MMD2: variants seen among roughly 807,000 people sequenced by gnomAD.
The protein encoded by MMD2 is monocyte to macrophage differentiation associated 2, also known as monocyte to macrophage differentiation factor 2.
A neutral mutation model predicts 33.5 loss-of-function variants in MMD2; 30 were observed. That is an observed-to-expected ratio of 0.90 (90% CI 0.67 to 1.22). The LOEUF (loss-of-function observed/expected upper bound fraction) is 1.22, where lower values mean the gene tolerates loss of function less well. Among genes scored for constraint, MMD2 ranks in the 50% most tolerant of loss-of-function variants. The pLI is 0.00. For missense variants in MMD2, 364 were observed against 325.4 expected (o/e 1.12, Z -0.91); for synonymous variants, 129 against 123.0 (o/e 1.05, Z -0.32).
chr7:4,953,900 C>A (rs1296617136), intron 1 of MMD2, among the ~76,000 whole-genome samples: 1 of 152,076 alleles, frequency 6.6e-6, no homozygotes. Flanking sequence ...GTTCTATCAC[C>A]CAGGCTTGAG....
At chr7:4,901,468 C>G (rs913239761), downstream of MMD2, among the ~76,000 whole-genome samples, 5 of 152,094 alleles carry the variant, frequency 3.3e-5, no homozygotes, top group African/African-American at 1.2e-4. Context: ...AATTTAAAAA[C>G]CAAACAGAAA....
At chr7:4,923,869 G>A (rs756438046) in intron 2 of MMD2, among the ~76,000 whole-genome samples, 1 of 152,112 alleles carries the variant, frequency 6.6e-6, no homozygotes, top group Non-Finnish European at 1.5e-5. Flanking sequence ...CCCAGTGTGG[G>A]CTGGGCACGG....
At chr7:4,896,107 G>A in the MMD2 span, among the ~76,000 whole-genome samples, 1 of 151,978 alleles carries the variant, frequency 6.6e-6, no homozygotes, top group Non-Finnish European at 1.5e-5. Context: ...GTGATCTGTT[G>A]GTCTCACCAT....
At chr7:4,898,245 ATTTC>A in the MMD2 span, among the ~76,000 whole-genome samples, 22 of 152,128 alleles carry the variant, frequency 1.4e-4, no homozygotes, top group South Asian at 4.1e-3. Context: ...GAAGCTCCTA[ATTTC>A]TTTCTCCTTA....
chr7:4,916,810 C>T (rs188712943), intron 3 of MMD2, among the ~76,000 whole-genome samples: 76 of 152,162 alleles, frequency 5.0e-4, no homozygotes, highest in Non-Finnish European at 1.8e-4. Context: ...GTGGCTCACA[C>T]CTGTAATTCC....
chr7:4,917,868 C>G (rs1044154665), intron 3 of MMD2, among the ~76,000 whole-genome samples: 3 of 152,148 alleles, frequency 2.0e-5, no homozygotes, highest in African/African-American at 7.2e-5. Context: ...CACTGGGACC[C>G]TCCCCTCCCA....
chr7:4,929,672 C>T (rs1785524622), intron 1 of MMD2, among the ~76,000 whole-genome samples: 1 of 151,774 alleles, frequency 6.6e-6, no homozygotes, highest in African/African-American at 2.4e-5. Context: ...CTACAGGCGC[C>T]CGCCACCACA....
chr7:4,906,239 G>A lies in MMD2; in HGVS notation c.*1157C>T. 2.7e-6 allele frequency: 1 copy of A among 366,118 alleles called. No homozygotes were observed. The highest frequency in any genetic ancestry group is 4.9e-6 in the Non-Finnish European group (1 of 205,592). The allele number at this position is 366,118 out of a possible 1,614,324, so 22.7% of individuals were successfully genotyped here. A position where few individuals can be genotyped will look rare whatever the true frequency, so the allele number is the denominator to read the frequency against. On this transcript the variant is annotated 3_prime_UTR_variant, in exon 7 of 7. Coordinates refer to ENST00000401401, the MANE Select transcript of MMD2 (RefSeq NM_198403.4). Reference sequence around the variant, plus strand: ...ACTCACCTCCCCAGTAAATGTCCAGGCAGCATTGGACAGAGAGGCTGGCCC... The same window carrying A: ...ACTCACCTCCCCAGTAAATGTCCAGACAGCATTGGACAGAGAGGCTGGCCC...
the MMD2 span, among the ~76,000 whole-genome samples, chr7:4,898,676 G>A: frequency 6.6e-6 from 1 of 152,178 alleles, no homozygotes; most frequent in Non-Finnish European, 1.5e-5. Flanking sequence ...AAGGTGGGCA[G>A]ATCACTTGAG....
chr7:4,945,218 CT>C (rs1562493885), intron 1 of MMD2, among the ~76,000 whole-genome samples: 1 of 143,966 alleles, frequency 6.9e-6, no homozygotes, highest in East Asian at 2.0e-4. Flanking sequence ...TCTTCTTCTT[CT>C]TCTTCTTCTT....
At position 4,906,898 on chromosome 7, in the gene MMD2, C is replaced by A. The variant is rs1425463790; in HGVS notation, c.*498G>T. 1 of 248,160 alleles carries A rather than the reference C, an allele frequency of 4.0e-6. No individual in the cohort carries two copies. Among genetic ancestry groups the A allele is most frequent in the African/African-American group, 2.2e-5 (1 of 44,724 alleles). 15.4% of individuals were successfully genotyped at this position (248,160 alleles called of 1,614,324 possible). On this transcript the variant is annotated 3_prime_UTR_variant, in exon 7 of 7. Transcript: ENST00000401401. ...ATGTGCTGCACTTGATTGGTGATGTCTGCCATGGTCACAGCCATTCACCAT... is the reference window on the plus strand; with the variant it reads ...ATGTGCTGCACTTGATTGGTGATGTATGCCATGGTCACAGCCATTCACCAT...
In MMD2 at chr7:4,906,157, A is replaced by T. The variant is rs1784862623; in HGVS notation, c.*1239T>A. 4.3e-6 allele frequency: 1 copy of T among 234,586 alleles called. No homozygotes were observed. Among genetic ancestry groups the T allele is most frequent in the Non-Finnish European group, 8.2e-6 (1 of 121,970 alleles). The allele number at this position is 234,586 out of a possible 1,614,324, so 14.5% of individuals were successfully genotyped here. On this transcript the variant is annotated 3_prime_UTR_variant, in exon 7 of 7. Coordinates refer to ENST00000401401, the MANE Select transcript of MMD2 (RefSeq NM_198403.4). ...GAATGAGGACCTCCTGACTTGAGAC[A>T]GATTCTTTATCCAGAGAATCTGAGA... is the stretch of plus-strand genomic sequence containing the variant.
At position 4,946,355 on chromosome 7, in the gene MMD2, C is replaced by T. The variant is rs1013654695; in HGVS notation, c.47+12616G>A. 4.6e-5 allele frequency among the ~76,000 whole-genome samples: 7 copies of T among 152,150 alleles called. No individual in the cohort carries two copies. The highest frequency in any genetic ancestry group is 2.1e-4 in the South Asian group (1 of 4,832). ...GGACGGATCAATTTGTTTCCCTCTG[C>T]GGCCTTTCTCTGAAAGAAATGAAAC... is the stretch of plus-strand genomic sequence containing the variant. On this transcript the variant is annotated intron_variant, in intron 1 of 6. Coordinates refer to ENST00000401401, the MANE Select transcript of MMD2 (RefSeq NM_198403.4). The surrounding 1 kb of genome is among the most constrained non-coding windows in gnomAD (Gnocchi z 5.0).
At chr7:4,927,956 T>C (rs2115116760) in intron 1 of MMD2, among the ~76,000 whole-genome samples, 1 of 152,202 alleles carries the variant, frequency 6.6e-6, no homozygotes, top group Non-Finnish European at 1.5e-5. Context: ...AAGTCTGTGC[T>C]CGGGGACTTA....
chr7:4,901,106 C>T (rs1400060671), downstream of MMD2, among the ~76,000 whole-genome samples: 5 of 150,974 alleles, frequency 3.3e-5, no homozygotes, highest in Admixed American at 6.6e-5. Context: ...CACCACTGCA[C>T]TCCAGCCTGG....
chr7:4,937,467 A>G (rs1159065656), intron 1 of MMD2, among the ~76,000 whole-genome samples: 1 of 151,916 alleles, frequency 6.6e-6, no homozygotes, highest in Non-Finnish European at 1.5e-5. Flanking sequence ...AGGAAGAAAG[A>G]AAGGGAAATT....
At chr7:4,929,928 G>T (rs1785530340) in intron 1 of MMD2, among the ~76,000 whole-genome samples, 1 of 152,140 alleles carries the variant, frequency 6.6e-6, no homozygotes, top group Non-Finnish European at 1.5e-5. Flanking sequence ...CTGGTATTCA[G>T]AAGGGGACCT....
chr7:4,931,636 C>T (rs1328215320), intron 1 of MMD2, among the ~76,000 whole-genome samples: 8 of 151,590 alleles, frequency 5.3e-5, no homozygotes, highest in African/African-American at 1.9e-4. Context: ...CACTGTGTTG[C>T]TCAGGCTGGT....
intron 3 of MMD2, 64 bp downstream of exon 3, chr7:4,920,107 G>T (rs1334890679): frequency 1.3e-6 from 2 of 1,506,542 alleles, no homozygotes; most frequent in African/African-American, 2.8e-5. Context: ...CACCCCCCGG[G>T]CTGCCATGGG....
Sources: allele counts gnomAD v4.1 joint callset (sites outside exome capture counted in the v4.1 genomes callset), GRCh38; gene constraint gnomAD v4.1.1; non-coding constraint Gnocchi (gnomAD v3.1); transcripts MANE v1.5; gene names NCBI Gene and HGNC (gene_info 2026-07-23, HGNC 2026-07-21).